Variants in KCNH5 observed in about 807,000 individuals in gnomAD.
KCNH5 encodes voltage-gated delayed rectifier potassium channel KCNH5.
In KCNH5, 46 loss-of-function variants were observed where a neutral mutation model predicts 96.1. That is an observed-to-expected ratio of 0.48 (90% CI 0.38 to 0.61). KCNH5 has a LOEUF of 0.61. Ranked by LOEUF, KCNH5 falls within the 20% of genes least tolerant of loss-of-function variation. The pLI is 0.00. For synonymous variants in KCNH5, 439 were observed against 449.8 expected (o/e 0.98, Z 0.30); for missense variants, 907 against 1,225.8 (o/e 0.74, Z 3.88).
chr14:62,706,335 A>G lies in KCNH5; in HGVS notation c.*1173T>C, dbSNP rs980088138. 4 of 152,160 alleles carry G rather than the reference A, an allele frequency of 2.6e-5. No homozygotes were observed. The highest frequency in any genetic ancestry group is 5.9e-5 in the Non-Finnish European group (4 of 67,990). The allele number at this position is 152,160 out of a possible 1,614,324, so 9.4% of individuals were successfully genotyped here. A position where few individuals can be genotyped will look rare whatever the true frequency, so the allele number is the denominator to read the frequency against. On this transcript the variant is annotated 3_prime_UTR_variant, in exon 11 of 11. Transcript: ENST00000322893. The stretch of plus-strand genomic sequence containing the variant: ...CTATAACCACAATAAAATGATAGAA[A>G]AGCAGTTATCTGAGTCGAGCAACTT...
chr14:62,789,603 C>G (rs1033670942), intron 9 of KCNH5, among the ~76,000 whole-genome samples: 4 of 151,912 alleles, frequency 2.6e-5, no homozygotes, highest in Non-Finnish European at 5.9e-5. Flanking sequence ...TATATCTAGT[C>G]TTTTTGATAA....
At chr14:63,020,283 C>T (rs1204314368) in intron 1 of KCNH5, among the ~76,000 whole-genome samples, 2 of 151,994 alleles carry the variant, frequency 1.3e-5, no homozygotes, top group Admixed American at 6.6e-5. Flanking sequence ...GTATCTATGA[C>T]CCAGAAATTT....
chr14:62,885,311 G>A (rs6573462), intron 7 of KCNH5, among the ~76,000 whole-genome samples: 85,859 of 152,032 alleles, frequency 0.56, 25,141 homozygotes, highest in East Asian at 0.71. Flanking sequence ...AATTATGTTA[G>A]CTAAAATTAT....
At chr14:62,926,235 T>C (rs369333441) in intron 7 of KCNH5, among the ~76,000 whole-genome samples, 60 of 152,264 alleles carry the variant, frequency 3.9e-4, no homozygotes, top group African/African-American at 1.4e-3. Flanking sequence ...AAGCTAGAAG[T>C]ATACCTTCGT....
At chr14:62,795,062 C>A (rs911063922) in intron 9 of KCNH5, among the ~76,000 whole-genome samples, 1 of 152,036 alleles carries the variant, frequency 6.6e-6, no homozygotes, top group East Asian at 1.9e-4. Flanking sequence ...CACAGTTTCC[C>A]CCTCAATTAT....
At chr14:62,968,214 T>C (rs1890338966) in intron 6 of KCNH5, among the ~76,000 whole-genome samples, 1 of 152,226 alleles carries the variant, frequency 6.6e-6, no homozygotes, top group South Asian at 2.1e-4. Flanking sequence ...AATTTGGAAC[T>C]TGAGGCTGAC....
At chr14:63,027,975 T>C (rs906736889) in intron 1 of KCNH5, among the ~76,000 whole-genome samples, 3 of 152,116 alleles carry the variant, frequency 2.0e-5, no homozygotes, top group African/African-American at 7.2e-5. Flanking sequence ...TGAGAGGTAC[T>C]CTACAATTTC....
Position 62,935,637 on chromosome 14 carries a change from G to A in KCNH5, c.1369+14496C>T, listed in dbSNP as rs185044629. Among the ~76,000 whole-genome samples the A allele has an allele frequency of 4.6e-5, 7 of 152,208 alleles. No homozygotes were observed. In the East Asian group the frequency reaches 9.7e-4, roughly 21 times the overall value. ...TCCTTCCCACCCCTGCCTGCCAAGC[G>A]GCAGCCCATGCTCCAGACGTCTTCT... On this transcript the variant is annotated intron_variant, in intron 7 of 10. Coordinates refer to ENST00000322893, the MANE Select transcript of KCNH5 (RefSeq NM_139318.5).
chr14:62,743,324 A>G (rs1885311061), intron 10 of KCNH5, among the ~76,000 whole-genome samples: 2 of 152,152 alleles, frequency 1.3e-5, no homozygotes, highest in Admixed American at 1.3e-4. Flanking sequence ...TCTAATGTGC[A>G]GCCAGGGTTG....
intron 6 of KCNH5, among the ~76,000 whole-genome samples, chr14:62,970,953 G>A (rs982184580): frequency 2.6e-5 from 4 of 151,610 alleles, no homozygotes; most frequent in Admixed American, 2.0e-4. Flanking sequence ...GATCAGGAAC[G>A]AGGCAAAGAT....
chr14:62,993,339 A>T (rs1025583609), intron 4 of KCNH5, among the ~76,000 whole-genome samples: 2 of 151,982 alleles, frequency 1.3e-5, no homozygotes, highest in East Asian at 3.9e-4. Flanking sequence ...TATTTTTCTA[A>T]TTCTGTAAAA....
chr14:62,776,752 A>T (rs1265293863), intron 10 of KCNH5, among the ~76,000 whole-genome samples: 1 of 152,214 alleles, frequency 6.6e-6, no homozygotes, highest in Non-Finnish European at 1.5e-5. Context: ...GAATTTTTAC[A>T]TAGAGGGGCT....
chr14:62,915,275 G>A (rs946079016), intron 7 of KCNH5, among the ~76,000 whole-genome samples: 3 of 152,120 alleles, frequency 2.0e-5, no homozygotes, highest in Non-Finnish European at 2.9e-5. Context: ...TTCCCTTCCT[G>A]TTTCTTGAGA....
chr14:62,780,051 C>T (rs886843007), intron 9 of KCNH5, 127 bp from the exon 10 acceptor site: 1 of 586,890 alleles, frequency 1.7e-6, no homozygotes, highest in Non-Finnish European at 2.8e-6. Context: ...ATAACCACAT[C>T]TATAAACACA....
rs1436191424 is a variant in KCNH5, at chr14:62,834,612, C to G, written c.1569+15041G>C. Among the ~76,000 whole-genome samples the G allele has an allele frequency of 2.6e-5, 4 of 151,982 alleles. No individual in the cohort carries two copies. The South Asian group carries it at 6.2e-4, about 24-fold the overall frequency. The stretch of plus-strand genomic sequence containing the variant: ...ATTTTTAAATAGGATAGAAATCTGA[C>G]AATTGGACTAGAGATCTAAAAAGTC... On this transcript the variant is annotated intron_variant, in intron 8 of 10. Transcript: ENST00000322893.
intron 9 of KCNH5, among the ~76,000 whole-genome samples, chr14:62,783,644 T>C (rs1416579558): frequency 6.6e-6 from 1 of 152,196 alleles, no homozygotes; most frequent in Non-Finnish European, 1.5e-5. Context: ...ATCAAAAGAT[T>C]AGAACTACTG....
At chr14:62,945,919 T>C (rs1310655521) in intron 7 of KCNH5, among the ~76,000 whole-genome samples, 2 of 152,036 alleles carry the variant, frequency 1.3e-5, no homozygotes, top group African/African-American at 4.8e-5. Context: ...CAGGGCCATA[T>C]CAGGAAGGCC....
At chr14:62,807,838 G>A (rs1305345267) in intron 8 of KCNH5, among the ~76,000 whole-genome samples, 1 of 152,144 alleles carries the variant, frequency 6.6e-6, no homozygotes, top group Non-Finnish European at 1.5e-5. Flanking sequence ...ATTTGTTAAA[G>A]GGAATTTATG....
intron 10 of KCNH5, among the ~76,000 whole-genome samples, chr14:62,766,136 C>A (rs958019905): frequency 6.6e-6 from 1 of 152,032 alleles, no homozygotes. Context: ...TGAGTTATCA[C>A]CTCAGTTAAA....
Sources: gnomAD v4.1 joint callset for allele counts (sites outside exome capture counted in the v4.1 genomes callset) on GRCh38, gnomAD v4.1.1 for gene constraint, MANE v1.5 for transcripts, NCBI Gene and HGNC (gene_info 2026-07-23, HGNC 2026-07-21) for gene names.